Variants in GALNT13 observed in about 807,000 individuals in gnomAD.
The protein encoded by GALNT13 is UDP-GalNAc:polypeptide N-acetylgalactosaminyltransferase 13.
In GALNT13, 28 loss-of-function variants were observed where a neutral mutation model predicts 64.2. The observed-to-expected ratio is 0.44, with a 90% CI of 0.32 to 0.60. GALNT13 has a LOEUF of 0.60. Ranked by LOEUF, GALNT13 falls within the 20% of genes least tolerant of loss-of-function variation. The pLI is 0.05. For synonymous variants in GALNT13, 214 were observed against 224.6 expected, an observed-to-expected ratio of 0.95 and a Z score of 0.42; for missense variants, 577 against 669.8, an observed-to-expected ratio of 0.86 and a Z score of 1.53.
chr2:153,075,100 G>T, the GALNT13 span, among the ~76,000 whole-genome samples: 1 of 152,088 alleles, frequency 6.6e-6, no homozygotes. Flanking sequence ...AACCGTTTTA[G>T]TAGTTTTGAT....
chr2:154,220,740 G>A (rs1688282623), intron 4 of GALNT13, among the ~76,000 whole-genome samples: 2 of 151,986 alleles, frequency 1.3e-5, no homozygotes, highest in African/African-American at 4.8e-5. Flanking sequence ...TAACAATCAA[G>A]GGAGTAGGTG....
the GALNT13 span, among the ~76,000 whole-genome samples, chr2:153,111,680 A>G: frequency 3.2e-5 from 4 of 125,356 alleles, no homozygotes; most frequent in African/African-American, 6.2e-5. Flanking sequence ...ATGAGTAAAT[A>G]ATTAAATTAC....
At chr2:153,587,683 T>C in the GALNT13 span, among the ~76,000 whole-genome samples, 1 of 152,162 alleles carries the variant, frequency 6.6e-6, no homozygotes. Context: ...GAGATTTGGG[T>C]AGGGACACAG....
intron 11 of GALNT13, among the ~76,000 whole-genome samples, chr2:154,418,424 C>T (rs769554913): frequency 1.3e-5 from 2 of 152,004 alleles, no homozygotes; most frequent in East Asian, 1.9e-4. Context: ...TAGATAGCCG[C>T]GCTACCACAT....
intron 2 of GALNT13, among the ~76,000 whole-genome samples, chr2:153,921,995 A>C (rs1689791543): frequency 6.6e-6 from 1 of 152,200 alleles, no homozygotes; most frequent in Non-Finnish European, 1.5e-5. Context: ...TGAGGAGTGG[A>C]ATAACCAGGA....
chr2:154,417,521 A>ATTTATTTTTT (rs1553529811), intron 11 of GALNT13, among the ~76,000 whole-genome samples: 2 of 139,138 alleles, frequency 1.4e-5, no homozygotes, highest in African/African-American at 2.8e-5. Context: ...TTATTTATTT[A>ATTTATTTTTT]TTTTTTTGAG....
the GALNT13 span, among the ~76,000 whole-genome samples, chr2:153,554,066 C>T: frequency 6.6e-6 from 1 of 151,714 alleles, no homozygotes; most frequent in Non-Finnish European, 1.5e-5. Context: ...AAGTTTGCCC[C>T]AGCTCTTTGG....
the GALNT13 span, among the ~76,000 whole-genome samples, chr2:153,648,696 A>T: frequency 6.6e-6 from 1 of 152,122 alleles, no homozygotes; most frequent in Non-Finnish European, 1.5e-5. Flanking sequence ...ATTTTGTTGA[A>T]GGCCTTTTCT....
chr2:153,651,227 A>T, the GALNT13 span, among the ~76,000 whole-genome samples: 1 of 152,190 alleles, frequency 6.6e-6, no homozygotes, highest in Non-Finnish European at 1.5e-5. Flanking sequence ...TAGAATATTA[A>T]ACAAGAGTCT....
chr2:153,329,599 C>A, the GALNT13 span, among the ~76,000 whole-genome samples: 1 of 152,098 alleles, frequency 6.6e-6, no homozygotes, highest in African/African-American at 2.4e-5. Context: ...CTGTTCATGT[C>A]TTTTGACTGT....
chr2:153,478,330 T>C, the GALNT13 span: 2 of 1,614,100 alleles, frequency 1.2e-6, no homozygotes, highest in Non-Finnish European at 1.7e-6. Context: ...GATGAGCAGA[T>C]TGCAGCCGAG....
chr2:153,278,788 T>C, the GALNT13 span, among the ~76,000 whole-genome samples: 2 of 152,154 alleles, frequency 1.3e-5, no homozygotes, highest in South Asian at 2.1e-4. Context: ...TCAGGTAATG[T>C]GATGCCTCTG....
chr2:153,982,213 A>G (rs1574260785), intron 3 of GALNT13, among the ~76,000 whole-genome samples: 1 of 152,270 alleles, frequency 6.6e-6, no homozygotes, highest in African/African-American at 2.4e-5. Flanking sequence ...TCAAAGTGAC[A>G]GGCTCTGAGA....
At chr2:153,737,810 G>C in the GALNT13 span, among the ~76,000 whole-genome samples, 2 of 151,766 alleles carry the variant, frequency 1.3e-5, no homozygotes, top group African/African-American at 4.8e-5. Flanking sequence ...TTACCTCATG[G>C]GTTTTTTATT....
the GALNT13 span, among the ~76,000 whole-genome samples, chr2:153,566,348 G>GTTTTGTTTTTT: frequency 1.4e-3 from 105 of 74,790 alleles, 2 homozygotes; most frequent in African/African-American, 3.3e-3. Flanking sequence ...TTCTAATCAC[G>GTTTTGTTTTTT]TTTTTTTTTT....
the GALNT13 span, among the ~76,000 whole-genome samples, chr2:153,148,574 C>T: frequency 2.7e-5 from 4 of 150,010 alleles, no homozygotes; most frequent in Admixed American, 2.7e-4. Context: ...TCCACCAGTG[C>T]TTAGTGTGTA....
chr2:154,350,373 T>A (rs534003081), intron 9 of GALNT13, among the ~76,000 whole-genome samples: 2 of 152,328 alleles, frequency 1.3e-5, no homozygotes, highest in African/African-American at 4.8e-5. Flanking sequence ...TCTTCTGGCC[T>A]TCATCTTTCT....
chr2:154,181,106 A>T (rs1559009375), intron 4 of GALNT13, among the ~76,000 whole-genome samples: 1 of 152,182 alleles, frequency 6.6e-6, no homozygotes, highest in African/African-American at 2.4e-5. Flanking sequence ...TATCCACTGC[A>T]TTCCTAGAAC....
chr2:153,901,365 G>A (rs548925623), intron 2 of GALNT13, among the ~76,000 whole-genome samples: 4 of 152,120 alleles, frequency 2.6e-5, no homozygotes, highest in South Asian at 2.1e-4. Flanking sequence ...GAACAATATC[G>A]TTTGCAGTTT....
Sources: allele counts gnomAD v4.1 joint callset (sites outside exome capture counted in the v4.1 genomes callset), GRCh38; gene constraint gnomAD v4.1.1; transcripts MANE v1.5; gene names NCBI Gene and HGNC (gene_info 2026-07-23, HGNC 2026-07-21).